The following QRICH1 variants were observed in gnomAD, a reference collection of about 807,000 sequenced individuals.
QRICH1 encodes the protein transcriptional regulator QRICH1.
In QRICH1, 16 loss-of-function variants were observed where a neutral mutation model predicts 87.1. The observed-to-expected ratio is 0.18, with a 90% CI of 0.12 to 0.28. QRICH1 has a LOEUF of 0.28. Ranked by LOEUF, QRICH1 falls within the 10% of genes least tolerant of loss-of-function variation. The pLI is 1.00. For synonymous variants in QRICH1, 367 were observed against 368.4 expected, an observed-to-expected ratio of 1.00 and a Z score of 0.05; for missense variants, 647 against 951.7, an observed-to-expected ratio of 0.68 and a Z score of 4.21.
intron 6 of QRICH1, among the ~76,000 whole-genome samples, chr3:49,040,261 C>G (rs995400723): frequency 6.6e-6 from 1 of 152,176 alleles, no homozygotes; most frequent in Non-Finnish European, 1.5e-5. Context: ...CCAACAATAG[C>G]CCTCCCTTGT....
chr3:49,092,560 CCCA>C (rs1299715992), intron 1 of QRICH1: 1 of 151,990 alleles, frequency 6.6e-6, no homozygotes, highest in African/African-American at 2.4e-5. Context: ...AAAGAACTAC[CCCA>C]CCATTATCAA....
intron 6 of QRICH1, among the ~76,000 whole-genome samples, chr3:49,034,600 C>A (rs2093263325): frequency 1.3e-5 from 2 of 152,178 alleles, no homozygotes; most frequent in South Asian, 4.1e-4. Flanking sequence ...GCGTGAACCA[C>A]CACGCCTAGC....
At chr3:49,068,315 C>T (rs2093479779) in intron 2 of QRICH1, among the ~76,000 whole-genome samples, 2 of 152,070 alleles carry the variant, frequency 1.3e-5, no homozygotes, top group South Asian at 4.1e-4. Context: ...TATGATTGTG[C>T]CACTCTACTC....
At chr3:49,030,714 G>A (rs914013318) in intron 9 of QRICH1, 70 bp from the exon 10 acceptor site, 76 of 1,332,806 alleles carry the variant, frequency 5.7e-5, no homozygotes, top group Non-Finnish European at 7.7e-5. Context: ...GAACTTCCCA[G>A]ACAGATGCTG....
intron 9 of QRICH1, 54 bp downstream of exon 9, chr3:49,032,129 C>G (rs1399965403): frequency 1.5e-6 from 2 of 1,329,824 alleles, no homozygotes; most frequent in East Asian, 4.6e-5. Context: ...TGAGCATGCA[C>G]ACGCATACAC....
At chr3:49,070,136 C>T (rs1321398024) in intron 2 of QRICH1, among the ~76,000 whole-genome samples, 1 of 151,906 alleles carries the variant, frequency 6.6e-6, no homozygotes, top group Non-Finnish European at 1.5e-5. Context: ...TTCCCAGGTT[C>T]AAGCAATTCT....
At chr3:49,055,669 G>GA (rs1559936445) in intron 3 of QRICH1, among the ~76,000 whole-genome samples, 1 of 151,988 alleles carries the variant, frequency 6.6e-6, no homozygotes. Context: ...AGCACTAATA[G>GA]TTTTTTTGTT....
intron 3 of QRICH1, among the ~76,000 whole-genome samples, chr3:49,053,219 T>C (rs1402075372): frequency 6.6e-6 from 1 of 152,094 alleles, no homozygotes; most frequent in Non-Finnish European, 1.5e-5. Flanking sequence ...CCAGGCGCGG[T>C]GGCTCACGCC....
intron 2 of QRICH1, among the ~76,000 whole-genome samples, chr3:49,065,815 G>C (rs1056064955): frequency 3.1e-4 from 47 of 152,078 alleles, no homozygotes; most frequent in Non-Finnish European, 5.4e-4. Context: ...CAAGTAGCTG[G>C]GACTACAGGC....
At chr3:49,067,869 T>G (rs1175995987) in intron 2 of QRICH1, among the ~76,000 whole-genome samples, 1 of 151,618 alleles carries the variant, frequency 6.6e-6, no homozygotes. Context: ...GAGAACCACT[T>G]GAACCCAGGA....
intron 4 of QRICH1, among the ~76,000 whole-genome samples, chr3:49,046,846 G>C (rs549066776): frequency 6.6e-6 from 1 of 152,088 alleles, no homozygotes; most frequent in Non-Finnish European, 1.5e-5. Context: ...CCTGAAACCC[G>C]TATGTCTAAA....
chr3:49,058,346 C>T (rs563786925), intron 2 of QRICH1, among the ~76,000 whole-genome samples: 61 of 145,608 alleles, frequency 4.2e-4, no homozygotes, highest in Non-Finnish European at 8.2e-4. Context: ...TTTTTTTTTT[C>T]CCCAAATTCT....
chr3:49,079,757 G>T (rs143173929), intron 1 of QRICH1, among the ~76,000 whole-genome samples: 5 of 152,048 alleles, frequency 3.3e-5, no homozygotes, highest in Non-Finnish European at 7.4e-5. Flanking sequence ...AGCCCAGTGC[G>T]GTGGCTCACG....
At chr3:49,060,248 C>T (rs1187391454) in intron 2 of QRICH1, among the ~76,000 whole-genome samples, 1 of 151,812 alleles carries the variant, frequency 6.6e-6, no homozygotes, top group African/African-American at 2.4e-5. Flanking sequence ...GGCTGGAGTG[C>T]AGTGGTGTGA....
intron 3 of QRICH1, among the ~76,000 whole-genome samples, chr3:49,051,618 G>A (rs1393855147): frequency 8.2e-6 from 1 of 122,124 alleles, no homozygotes; most frequent in Non-Finnish European, 1.6e-5. Flanking sequence ...TACCTAGTGG[G>A]TACTATACAT....
At chr3:49,043,655 T>C (rs188204050) in intron 6 of QRICH1, among the ~76,000 whole-genome samples, 13 of 152,172 alleles carry the variant, frequency 8.5e-5, no homozygotes, top group African/African-American at 2.4e-4. Context: ...GGCAAAAGCC[T>C]GTCTCTACTA....
At chr3:49,041,818 C>T (rs906500628) in intron 6 of QRICH1, among the ~76,000 whole-genome samples, 3 of 151,710 alleles carry the variant, frequency 2.0e-5, no homozygotes, top group Admixed American at 6.6e-5. Flanking sequence ...TTAGTAGAGA[C>T]GGGGTTTCAC....
At chr3:49,065,324 T>C (rs987383791) in intron 2 of QRICH1, among the ~76,000 whole-genome samples, 1 of 152,066 alleles carries the variant, frequency 6.6e-6, no homozygotes, top group African/African-American at 2.4e-5. Context: ...TTTGTATTTT[T>C]AGTAGAGACA....
At chr3:49,089,274 G>A (rs2042228143) in intron 1 of QRICH1, among the ~76,000 whole-genome samples, 1 of 151,986 alleles carries the variant, frequency 6.6e-6, no homozygotes, top group South Asian at 2.1e-4. Flanking sequence ...TGGCCAGGCT[G>A]GTCTGGAACT....
Sources: allele counts gnomAD v4.1 joint callset (sites outside exome capture counted in the v4.1 genomes callset), GRCh38; gene constraint gnomAD v4.1.1; transcripts MANE v1.5; gene names NCBI Gene and HGNC (gene_info 2026-07-23, HGNC 2026-07-21).